NDUFAF2: variants seen among roughly 807,000 people sequenced by gnomAD.
NDUFAF2 encodes the protein NADH dehydrogenase [ubiquinone] 1 alpha subcomplex assembly factor 2.
In NDUFAF2, 13 loss-of-function variants were observed where a neutral mutation model predicts 22.8. That is an observed-to-expected ratio of 0.57 (90% CI 0.37 to 0.91). The LOEUF (loss-of-function observed/expected upper bound fraction) is 0.91, where lower values mean the gene tolerates loss of function less well. Among genes scored for constraint, NDUFAF2 ranks in the 40% least tolerant of loss-of-function variants. NDUFAF2 has a pLI of 0.01. For missense variants in NDUFAF2, 162 were observed against 195.2 expected, an observed-to-expected ratio of 0.83 and a Z score of 1.01; for synonymous variants, 53 against 64.2, an observed-to-expected ratio of 0.83 and a Z score of 0.84.
At chr5:60,961,706 C>T (rs1240788755) in intron 1 of NDUFAF2, among the ~76,000 whole-genome samples, 1 of 147,980 alleles carries the variant, frequency 6.8e-6, no homozygotes, top group African/African-American at 2.5e-5. Flanking sequence ...GCAGAGGTTG[C>T]AGTGAGCCGA....
chr5:60,997,222 G>A (rs1751239318), intron 1 of NDUFAF2, among the ~76,000 whole-genome samples: 1 of 152,150 alleles, frequency 6.6e-6, no homozygotes, highest in South Asian at 2.1e-4. Flanking sequence ...TGTGGCTTAT[G>A]TTTATCAACA....
chr5:60,949,742 T>G (rs948586499), intron 1 of NDUFAF2, among the ~76,000 whole-genome samples: 21 of 152,344 alleles, frequency 1.4e-4, no homozygotes, highest in African/African-American at 5.1e-4. Context: ...GACCTTTTAC[T>G]TGGTCATTTT....
chr5:60,967,369 G>A (rs1184150275), intron 1 of NDUFAF2, among the ~76,000 whole-genome samples: 2 of 151,792 alleles, frequency 1.3e-5, no homozygotes, highest in Admixed American at 6.6e-5. Flanking sequence ...AGTATTTCTG[G>A]TACTATGTTG....
At position 61,040,286 on chromosome 5, in the gene NDUFAF2, A is replaced by ACACACACACG. The variant is rs1491193758; in HGVS notation, c.128-32838_128-32837insACACACACGC. Among the ~76,000 whole-genome samples, 754 of 92,992 alleles carry ACACACACACG rather than the reference A, an allele frequency of 8.1e-3. 1 individual carries two copies. The highest frequency in any genetic ancestry group is 0.014 in the East Asian group (48 of 3,506). 61.0% of individuals were successfully genotyped at this position (92,992 alleles called of 152,430 possible). A position where few individuals can be genotyped will look rare whatever the true frequency, so the allele number is the denominator to read the frequency against. On this transcript the variant is annotated intron_variant, in intron 1 of 3. Coordinates refer to ENST00000296597, the MANE Select transcript of NDUFAF2 (RefSeq NM_174889.5). ...CACACACACACACACACACACACAC[A>ACACACACACG]CGCGCGCGCGCGCGCGAAAGTTGAA... is the stretch of plus-strand genomic sequence containing the variant.
intron 1 of NDUFAF2, among the ~76,000 whole-genome samples, chr5:61,015,904 A>G (rs1561542465): frequency 6.6e-6 from 1 of 152,030 alleles, no homozygotes; most frequent in South Asian, 2.1e-4. Context: ...AAAAAGACTT[A>G]TGGCTGGGTG....
At chr5:61,030,883 C>T (rs1751714121) in intron 1 of NDUFAF2, among the ~76,000 whole-genome samples, 1 of 152,068 alleles carries the variant, frequency 6.6e-6, no homozygotes, top group Admixed American at 6.6e-5. Flanking sequence ...TAGATGAGAA[C>T]GTTGCTATTT....
At chr5:61,083,408 C>G (rs1406071688) in intron 2 of NDUFAF2, 1 of 152,004 alleles carries the variant, frequency 6.6e-6, no homozygotes, top group Non-Finnish European at 1.5e-5. Flanking sequence ...TTTTCATTCC[C>G]CATTGTTTAT....
intron 1 of NDUFAF2, among the ~76,000 whole-genome samples, chr5:60,990,454 T>G (rs1350505091): frequency 6.6e-6 from 1 of 152,180 alleles, no homozygotes; most frequent in Non-Finnish European, 1.5e-5. Flanking sequence ...AGTGAAATTA[T>G]GAGCAATTCA....
chr5:60,945,484 CT>C, intron 1 of NDUFAF2, 102 bp downstream of exon 1: 2 of 1,499,008 alleles, frequency 1.3e-6, no homozygotes, highest in African/African-American at 1.4e-5. Flanking sequence ...TCATGCGACA[CT>C]TAGGGTGTCA....
chr5:61,007,662 G>C (rs1284198682), intron 1 of NDUFAF2, among the ~76,000 whole-genome samples: 1 of 152,140 alleles, frequency 6.6e-6, no homozygotes, highest in Non-Finnish European at 1.5e-5. Flanking sequence ...ACAGGTGCTG[G>C]AGAGGATGTG....
intron 2 of NDUFAF2, among the ~76,000 whole-genome samples, chr5:61,080,686 AT>A (rs1035198823): frequency 2.6e-5 from 4 of 151,974 alleles, no homozygotes; most frequent in Non-Finnish European, 5.9e-5. Context: ...TTTGCCCAGA[AT>A]TTTTTTAATT....
At chr5:61,063,238 C>T (rs532444872) in intron 1 of NDUFAF2, among the ~76,000 whole-genome samples, 4 of 152,070 alleles carry the variant, frequency 2.6e-5, no homozygotes, top group Non-Finnish European at 5.9e-5. Flanking sequence ...GTGGCTCATG[C>T]CTGTAATCTC....
intron 1 of NDUFAF2, among the ~76,000 whole-genome samples, chr5:60,966,044 T>C (rs1750754423): frequency 6.6e-6 from 1 of 152,184 alleles, no homozygotes; most frequent in Non-Finnish European, 1.5e-5. Flanking sequence ...ACCTTTTGTC[T>C]TTTTGATACT....
intron 3 of NDUFAF2, among the ~76,000 whole-genome samples, chr5:61,130,990 C>CT (rs1753103377): frequency 6.6e-6 from 1 of 152,044 alleles, no homozygotes; most frequent in Non-Finnish European, 1.5e-5. Context: ...AAGCCAGATA[C>CT]TATGATGAAA....
chr5:60,978,948 G>T (rs1443966299), intron 1 of NDUFAF2, among the ~76,000 whole-genome samples: 2 of 152,142 alleles, frequency 1.3e-5, no homozygotes, highest in East Asian at 1.9e-4. Flanking sequence ...ACACGACTTT[G>T]TTCTTCCAAC....
chr5:61,026,161 G>A (rs1751646772), intron 1 of NDUFAF2, among the ~76,000 whole-genome samples: 1 of 152,076 alleles, frequency 6.6e-6, no homozygotes, highest in Non-Finnish European at 1.5e-5. Context: ...TAGAAATTCA[G>A]CATGAAGATG....
intron 1 of NDUFAF2, among the ~76,000 whole-genome samples, chr5:61,028,646 G>A (rs1166924614): frequency 6.6e-6 from 1 of 151,988 alleles, no homozygotes; most frequent in Admixed American, 6.6e-5. Flanking sequence ...TACTAAAAAT[G>A]ATCCATAAAC....
At chr5:61,056,987 T>C (rs1037798703) in intron 1 of NDUFAF2, among the ~76,000 whole-genome samples, 3 of 144,776 alleles carry the variant, frequency 2.1e-5, no homozygotes, top group Non-Finnish European at 4.5e-5. Context: ...TTTGATGGAA[T>C]TTTCTATCCT....
chr5:61,052,575 G>T (rs1254894978), intron 1 of NDUFAF2, among the ~76,000 whole-genome samples: 1 of 152,154 alleles, frequency 6.6e-6, no homozygotes, highest in East Asian at 1.9e-4. Flanking sequence ...CTCCCAAAGT[G>T]CTGGGATTAT....
Sources: gnomAD v4.1 joint callset for allele counts (sites outside exome capture counted in the v4.1 genomes callset) on GRCh38, gnomAD v4.1.1 for gene constraint, MANE v1.5 for transcripts, NCBI Gene and HGNC (gene_info 2026-07-23, HGNC 2026-07-21) for gene names.